KCNQ3: variants seen among roughly 807,000 people sequenced by gnomAD.
KCNQ3 encodes the protein potassium voltage-gated channel subfamily Q member 3.
KCNQ3 carries 30 observed loss-of-function variants against 92.5 expected under a neutral mutation model. That is an observed-to-expected ratio of 0.32 (90% confidence interval 0.24 to 0.44). The LOEUF is 0.44. Ranked by LOEUF, KCNQ3 falls within the 20% of genes least tolerant of loss-of-function variation. The pLI is 1.00. For missense variants in KCNQ3, 913 were observed against 1,140.3 expected, an observed-to-expected ratio of 0.80 and a Z score of 2.87; for synonymous variants, 450 against 468.8, an observed-to-expected ratio of 0.96 and a Z score of 0.52.
intron 1 of KCNQ3, among the ~76,000 whole-genome samples, chr8:132,390,433 G>A (rs1187377457): frequency 3.3e-5 from 5 of 152,098 alleles, no homozygotes; most frequent in South Asian, 2.1e-4. Flanking sequence ...ATTGTGTTAC[G>A]CTTTCTGAGT....
intron 1 of KCNQ3, among the ~76,000 whole-genome samples, chr8:132,455,773 G>T (rs1179779468): frequency 6.6e-6 from 1 of 152,100 alleles, no homozygotes. Context: ...ACAGAGTCTC[G>T]CTCTGTCGCC....
chr8:132,257,229 A>T (rs1447103506), intron 1 of KCNQ3, among the ~76,000 whole-genome samples: 1 of 152,152 alleles, frequency 6.6e-6, no homozygotes, highest in Non-Finnish European at 1.5e-5. Flanking sequence ...CCAGAAAACA[A>T]CTTTAAAAAG....
At chr8:132,304,196 TACGATGTACA>T (rs1046887144) in intron 1 of KCNQ3, among the ~76,000 whole-genome samples, 7 of 152,164 alleles carry the variant, frequency 4.6e-5, no homozygotes, top group Admixed American at 1.3e-4. Flanking sequence ...ACCTATTGGG[TACGATGTACA>T]CTATTGGGGT....
chr8:132,463,559 G>C (rs1309834509), intron 1 of KCNQ3, among the ~76,000 whole-genome samples: 1 of 152,196 alleles, frequency 6.6e-6, no homozygotes, highest in Non-Finnish European at 1.5e-5. Flanking sequence ...TAATATGATT[G>C]CAAAAACTCA....
chr8:132,384,389 G>A (rs1819838418), intron 1 of KCNQ3, among the ~76,000 whole-genome samples: 1 of 152,210 alleles, frequency 6.6e-6, no homozygotes, highest in Non-Finnish European at 1.5e-5. Context: ...GAAGTAATGT[G>A]ATGGCAATTT....
At chr8:132,149,022 A>G (rs1825550329) in intron 9 of KCNQ3, among the ~76,000 whole-genome samples, 1 of 152,314 alleles carries the variant, frequency 6.6e-6, no homozygotes, top group Non-Finnish European at 1.5e-5. Flanking sequence ...CTGACCATAC[A>G]CTTTATTTCT....
chr8:132,178,522 G>A (rs1826644272), intron 4 of KCNQ3, among the ~76,000 whole-genome samples: 1 of 152,158 alleles, frequency 6.6e-6, no homozygotes, highest in Admixed American at 6.5e-5. Context: ...TTTCTCGCAT[G>A]AGCACCCAGG....
intron 1 of KCNQ3, among the ~76,000 whole-genome samples, chr8:132,299,090 T>C: frequency 6.6e-6 from 1 of 151,516 alleles, no homozygotes; most frequent in East Asian, 1.9e-4. Flanking sequence ...AGGTTTTTAG[T>C]TTCTTTTTTT....
At chr8:132,312,851 A>C (rs1817634709) in intron 1 of KCNQ3, among the ~76,000 whole-genome samples, 1 of 152,194 alleles carries the variant, frequency 6.6e-6, no homozygotes, top group Non-Finnish European at 1.5e-5. Flanking sequence ...GAGTCAATTA[A>C]ACTTCTTTTC....
At chr8:132,319,117 G>A (rs1367716313) in intron 1 of KCNQ3, among the ~76,000 whole-genome samples, 1 of 152,206 alleles carries the variant, frequency 6.6e-6, no homozygotes, top group Non-Finnish European at 1.5e-5. Context: ...GGGCATGTCT[G>A]GGGGAAAGGA....
intron 1 of KCNQ3, among the ~76,000 whole-genome samples, chr8:132,347,875 G>A (rs2130698927): frequency 6.6e-6 from 1 of 151,806 alleles, no homozygotes; most frequent in Non-Finnish European, 1.5e-5. Flanking sequence ...TACTTGGGAG[G>A]CTGAGGCAGG....
At chr8:132,360,134 C>A (rs1237828398) in intron 1 of KCNQ3, among the ~76,000 whole-genome samples, 2 of 152,156 alleles carry the variant, frequency 1.3e-5, no homozygotes, top group African/African-American at 2.4e-5. Flanking sequence ...GGGTGTCAAC[C>A]ACAAAATGAC....
chr8:132,156,008 A>C (rs1170478315), intron 9 of KCNQ3, among the ~76,000 whole-genome samples: 3 of 152,156 alleles, frequency 2.0e-5, no homozygotes, highest in African/African-American at 7.2e-5. Flanking sequence ...CCTCTAATCC[A>C]GTGAGTCTGA....
intron 1 of KCNQ3, among the ~76,000 whole-genome samples, chr8:132,328,718 T>C (rs1173028327): frequency 6.6e-6 from 1 of 152,188 alleles, no homozygotes; most frequent in African/African-American, 2.4e-5. Flanking sequence ...ACTCCGTATC[T>C]CTTCTCTTCC....
At chr8:132,344,716 G>A (rs1818630067) in intron 1 of KCNQ3, among the ~76,000 whole-genome samples, 1 of 152,154 alleles carries the variant, frequency 6.6e-6, no homozygotes, top group South Asian at 2.1e-4. Flanking sequence ...TACAGGTTCA[G>A]GGTATAGAAA....
rs147012843 is a variant in KCNQ3 at position 132,325,389 on chromosome 8, C to T, written c.387-139208G>A. Among the ~76,000 whole-genome samples the T allele has an allele frequency of 1.5e-3, 227 of 152,204 alleles. 1 individual carries two copies. The highest frequency in any genetic ancestry group is 6.8e-3 in the Middle Eastern group (2 of 294). On this transcript the variant is annotated intron_variant, in intron 1 of 14. Coordinates refer to ENST00000388996, the MANE Select transcript of KCNQ3 (RefSeq NM_004519.4). ...CTTGATCCACACCTGAGAAAAGAGA[C>T]GACTGGCTGGTGTCATGGGCTGAAC...
chr8:132,468,985 T>A (rs937289798), intron 1 of KCNQ3, among the ~76,000 whole-genome samples: 7 of 152,238 alleles, frequency 4.6e-5, no homozygotes, highest in African/African-American at 1.7e-4. Context: ...TGTGGCAGAA[T>A]GAAAAGTCCC....
chr8:132,415,575 C>G lies in KCNQ3; in HGVS notation c.386+64572G>C, dbSNP rs1270458946. ...GTGCTCAGGGACCCAGGCTGCTCTGCAGACCACAGGCTCAGATGGGATTCC... is the reference window on the plus strand; with the variant it reads ...GTGCTCAGGGACCCAGGCTGCTCTGGAGACCACAGGCTCAGATGGGATTCC... On this transcript the variant is annotated intron_variant, in intron 1 of 14. Coordinates refer to ENST00000388996, the MANE Select transcript of KCNQ3 (RefSeq NM_004519.4). Among the ~76,000 whole-genome samples, 7 of 152,360 alleles carry G rather than the reference C, an allele frequency of 4.6e-5. No homozygotes were observed. In the East Asian group the frequency reaches 1.2e-3, roughly 25 times the overall value.
Position 132,128,792 on chromosome 8 carries a change from T to C in KCNQ3, c.*470A>G, listed in dbSNP as rs559006481. ...GCCCCACTGATACACAATGTGGTTT[T>C]GTTGAGAAAATTATTTCCTTGCTTT... is the stretch of plus-strand genomic sequence containing the variant. On this transcript the variant is annotated 3_prime_UTR_variant, in exon 15 of 15. Coordinates refer to ENST00000388996, the MANE Select transcript of KCNQ3 (RefSeq NM_004519.4). 76 of 173,842 alleles carry C rather than the reference T, an allele frequency of 4.4e-4. 1 individual carries two copies. The highest frequency in any genetic ancestry group is 3.6e-3 in the South Asian group (26 of 7,170). 10.8% of individuals were successfully genotyped at this position (173,842 alleles called of 1,614,324 possible).
Sources: gnomAD v4.1 joint callset for allele counts (sites outside exome capture counted in the v4.1 genomes callset) on GRCh38, gnomAD v4.1.1 for gene constraint, MANE v1.5 for transcripts, NCBI Gene and HGNC (gene_info 2026-07-23, HGNC 2026-07-21) for gene names.